Variants in DRD2 observed in about 807,000 individuals in gnomAD.
DRD2 encodes D(2) dopamine receptor.
In DRD2, 8 loss-of-function variants were observed where a neutral mutation model predicts 38.0. The observed-to-expected ratio is 0.21, with a 90% CI of 0.12 to 0.38. The LOEUF (loss-of-function observed/expected upper bound fraction) is 0.38, where lower values mean the gene tolerates loss of function less well. Ranked by LOEUF, DRD2 falls within the 10% of genes least tolerant of loss-of-function variation. DRD2 has a pLI of 1.00. For synonymous variants in DRD2, 230 were observed against 238.6 expected, an observed-to-expected ratio of 0.96 and a Z score of 0.33; for missense variants, 403 against 607.7, an observed-to-expected ratio of 0.66 and a Z score of 3.54.
Position 113,424,694 on chromosome 11 carries a change from A to G in DRD2, c.-31-12T>C. On this transcript the variant is annotated splice_polypyrimidine_tract_variant and intron_variant, in intron 1 of 7. Transcript: ENST00000362072. ...TGGGTGGCCAGGCTCTGGCCAGGAA[A>G]AATGGACACAAGGTGTCAGTGAGAG... 1 of 1,612,790 alleles carries G rather than the reference A, an allele frequency of 6.2e-7. No individual in the cohort carries two copies. Among genetic ancestry groups the G allele is most frequent in the South Asian group, 1.1e-5 (1 of 91,058 alleles).
chr11:113,435,338 G>T (rs753982053), intron 1 of DRD2, among the ~76,000 whole-genome samples: 7 of 151,886 alleles, frequency 4.6e-5, no homozygotes, highest in Non-Finnish European at 7.4e-5. Context: ...TGTGGGGGGG[G>T]GTGGGGGAGA....
At chr11:113,455,320 C>CCACAG (rs1283720460) in intron 1 of DRD2, among the ~76,000 whole-genome samples, 1 of 152,074 alleles carries the variant, frequency 6.6e-6, no homozygotes, top group African/African-American at 2.4e-5. Context: ...TGAGATCACA[C>CCACAG]CACAGCACTC....
At chr11:113,454,917 A>G (rs1951254196) in intron 1 of DRD2, among the ~76,000 whole-genome samples, 1 of 152,240 alleles carries the variant, frequency 6.6e-6, no homozygotes, top group Admixed American at 6.5e-5. Flanking sequence ...TGTTGGGAAA[A>G]CTGGCTGTCC....
chr11:113,414,968 A>G (rs1591274253), intron 5 of DRD2, among the ~76,000 whole-genome samples: 1 of 152,176 alleles, frequency 6.6e-6, no homozygotes, highest in East Asian at 1.9e-4. Context: ...ATCAGGGGGG[A>G]AATGAAAGAG....
chr11:113,436,793 G>A (rs780445906), intron 1 of DRD2, among the ~76,000 whole-genome samples: 15 of 152,168 alleles, frequency 9.9e-5, no homozygotes, highest in African/African-American at 1.4e-4. Flanking sequence ...TCACCCCAGC[G>A]CCCATCCCTA....
intron 1 of DRD2, among the ~76,000 whole-genome samples, chr11:113,464,908 CTCA>C (rs1951353670): frequency 6.6e-6 from 1 of 152,190 alleles, no homozygotes; most frequent in Non-Finnish European, 1.5e-5. Context: ...CTCTCTTCCC[CTCA>C]TCCTCCATAG....
At chr11:113,433,093 G>T (rs937407893) in intron 1 of DRD2, among the ~76,000 whole-genome samples, 4 of 152,140 alleles carry the variant, frequency 2.6e-5, no homozygotes, top group African/African-American at 9.7e-5. Context: ...GAGCTGGGGT[G>T]TGGAGGGTCT....
At position 113,412,485 on chromosome 11, in the gene DRD2, T is replaced by A. The variant is rs1315931510; in HGVS notation, c.1138+71A>T. ...TAGCCCCATGATCCTGCAGCCATGG[T>A]TAGGAAGGACATGGCAGGGAATGGG... is the stretch of plus-strand genomic sequence containing the variant. On this transcript the variant is annotated intron_variant, in intron 7 of 7. Coordinates refer to ENST00000362072, the MANE Select transcript of DRD2 (RefSeq NM_000795.4). 63 of 1,566,458 alleles carry A rather than the reference T, an allele frequency of 4.0e-5. 2 individuals carry two copies. In the South Asian group the frequency reaches 6.8e-4, roughly 17 times the overall value.
At chr11:113,419,448 A>G (rs1289126056) in intron 2 of DRD2, among the ~76,000 whole-genome samples, 2 of 143,532 alleles carry the variant, frequency 1.4e-5, no homozygotes, top group Admixed American at 1.3e-4. Context: ...GCACACAGGC[A>G]CACACACACA....
At chr11:113,461,881 C>T (rs762571051) in intron 1 of DRD2, among the ~76,000 whole-genome samples, 6 of 152,190 alleles carry the variant, frequency 3.9e-5, no homozygotes, top group Non-Finnish European at 7.3e-5. Context: ...AGGCATTTAA[C>T]ATGCACGCCC....
intron 4 of DRD2, among the ~76,000 whole-genome samples, chr11:113,415,878 G>T (rs535734298): frequency 3.9e-5 from 6 of 152,340 alleles, no homozygotes; most frequent in Admixed American, 3.3e-4. Flanking sequence ...CTCATTACTT[G>T]GTCATTAGTT....
intron 1 of DRD2, among the ~76,000 whole-genome samples, chr11:113,472,636 G>A (rs1951440443): frequency 6.6e-6 from 1 of 152,200 alleles, no homozygotes; most frequent in Non-Finnish European, 1.5e-5. Context: ...CAGTCAATAT[G>A]TCACTTCCAG....
intron 1 of DRD2, among the ~76,000 whole-genome samples, chr11:113,472,141 C>T (rs920854343): frequency 2.0e-5 from 3 of 152,318 alleles, no homozygotes; most frequent in South Asian, 2.1e-4. Context: ...CTCTCCTGGG[C>T]GATGTGCTCA....
intron 1 of DRD2, among the ~76,000 whole-genome samples, chr11:113,449,560 C>A (rs1951189580): frequency 6.6e-6 from 1 of 152,158 alleles, no homozygotes; most frequent in East Asian, 1.9e-4. Context: ...GCTGCTTCCC[C>A]CTGAGCACAT....
At chr11:113,429,497 G>A (rs371377929) in intron 1 of DRD2, among the ~76,000 whole-genome samples, 17 of 152,132 alleles carry the variant, frequency 1.1e-4, no homozygotes, top group South Asian at 1.0e-3. Flanking sequence ...TGCCTGCCTC[G>A]GCCTCCCAGA....
chr11:113,455,809 GA>G (rs1951263651), intron 1 of DRD2, among the ~76,000 whole-genome samples: 1 of 152,174 alleles, frequency 6.6e-6, no homozygotes, highest in South Asian at 2.1e-4. Context: ...AGGATGTAGA[GA>G]AAAGGGAACA....
chr11:113,415,831 A>G (rs973161495), intron 4 of DRD2, among the ~76,000 whole-genome samples: 1 of 152,252 alleles, frequency 6.6e-6, no homozygotes, highest in South Asian at 2.1e-4. Flanking sequence ...TTAAGCTGTG[A>G]TGATGGACTG....
At chr11:113,438,018 C>A (rs1951055059) in intron 1 of DRD2, among the ~76,000 whole-genome samples, 1 of 152,100 alleles carries the variant, frequency 6.6e-6, no homozygotes, top group African/African-American at 2.4e-5. Context: ...GGAAGAGCAG[C>A]CACAGTGCTG....
chr11:113,433,543 C>T (rs186043988), intron 1 of DRD2, among the ~76,000 whole-genome samples: 2 of 152,262 alleles, frequency 1.3e-5, no homozygotes, highest in South Asian at 2.1e-4. Flanking sequence ...CCCCTTCTCC[C>T]CCGGCATGGG....
Sources: allele counts gnomAD v4.1 joint callset (sites outside exome capture counted in the v4.1 genomes callset), GRCh38; gene constraint gnomAD v4.1.1; transcripts MANE v1.5; gene names NCBI Gene and HGNC (gene_info 2026-07-23, HGNC 2026-07-21).